Variants in SLC35F1 observed in about 807,000 individuals in gnomAD.
The protein encoded by SLC35F1 is solute carrier family 35 member F1, also known as chromosome 6 open reading frame 169.
In SLC35F1, 14 loss-of-function variants were observed where a neutral mutation model predicts 48.7. The ratio of observed to expected loss-of-function variants is 0.29; its 90% CI spans 0.19 to 0.45. The LOEUF is 0.45. SLC35F1 is among the 20% of genes least tolerant of loss of function. The probability of loss-of-function intolerance (pLI) is 1.00; values close to 1 mark genes in which losing one functional copy is unlikely to be tolerated. For synonymous variants in SLC35F1, 190 were observed against 202.2 expected (o/e 0.94, Z 0.51); for missense variants, 404 against 500.0 (o/e 0.81, Z 1.83).
chr6:117,974,524 G>A (rs2114845486), intron 1 of SLC35F1, among the ~76,000 whole-genome samples: 1 of 152,240 alleles, frequency 6.6e-6, no homozygotes, highest in African/African-American at 2.4e-5. Context: ...AGATTTTTTG[G>A]AGTGTCTGAG....
At chr6:118,148,400 T>C (rs189310022) in intron 1 of SLC35F1, among the ~76,000 whole-genome samples, 12 of 152,348 alleles carry the variant, frequency 7.9e-5, no homozygotes, top group African/African-American at 2.9e-4. Context: ...TCTTACTATT[T>C]TGAATATCTA....
intron 3 of SLC35F1, among the ~76,000 whole-genome samples, chr6:118,240,667 G>A (rs960191873): frequency 6.6e-6 from 1 of 152,176 alleles, no homozygotes; most frequent in African/African-American, 2.4e-5. Context: ...GGGAACGTTT[G>A]TCAAAGCAAT....
intron 7 of SLC35F1, among the ~76,000 whole-genome samples, chr6:118,299,308 T>A (rs1455923091): frequency 6.6e-6 from 1 of 152,202 alleles, no homozygotes; most frequent in Non-Finnish European, 1.5e-5. Context: ...TGTAAACGTT[T>A]CCAAGGGCAG....
chr6:117,937,669 G>T (rs938036185), intron 1 of SLC35F1, among the ~76,000 whole-genome samples: 4 of 152,110 alleles, frequency 2.6e-5, no homozygotes, highest in African/African-American at 9.7e-5. Flanking sequence ...AAACGTAGAA[G>T]AATTATAATG....
chr6:117,976,123 T>TGA (rs1776702391), intron 1 of SLC35F1, among the ~76,000 whole-genome samples: 1 of 152,234 alleles, frequency 6.6e-6, no homozygotes, highest in Non-Finnish European at 1.5e-5. Flanking sequence ...TTAAGGAGTG[T>TGA]GATCTTCTTT....
intron 1 of SLC35F1, among the ~76,000 whole-genome samples, chr6:117,996,124 T>C (rs937085088): frequency 1.3e-5 from 2 of 152,212 alleles, no homozygotes; most frequent in African/African-American, 4.8e-5. Flanking sequence ...ATATGATTAC[T>C]TCTTCTGAAA....
At chr6:118,118,761 G>A (rs1773507270) in intron 1 of SLC35F1, among the ~76,000 whole-genome samples, 2 of 152,072 alleles carry the variant, frequency 1.3e-5, no homozygotes, top group Non-Finnish European at 2.9e-5. Context: ...CTCATTTCAG[G>A]AAGGGACAGG....
intron 2 of SLC35F1, among the ~76,000 whole-genome samples, chr6:118,215,242 G>A (rs1280310432): frequency 6.6e-6 from 1 of 152,116 alleles, no homozygotes; most frequent in Non-Finnish European, 1.5e-5. Flanking sequence ...CAGACCGCAA[G>A]GTATTGAGGT....
intron 1 of SLC35F1, among the ~76,000 whole-genome samples, chr6:117,961,243 T>A (rs1171232368): frequency 2.0e-5 from 3 of 152,198 alleles, no homozygotes; most frequent in South Asian, 4.1e-4. Context: ...AATGGATAAC[T>A]GAAGAATCTC....
At chr6:118,093,324 A>G (rs867486244) in intron 1 of SLC35F1, among the ~76,000 whole-genome samples, 14 of 152,136 alleles carry the variant, frequency 9.2e-5, no homozygotes, top group African/African-American at 3.4e-4. Context: ...TCAAAAAAAA[A>G]AATTATAAAT....
At chr6:118,261,033 T>A (rs1177416750) in intron 3 of SLC35F1, among the ~76,000 whole-genome samples, 5 of 152,082 alleles carry the variant, frequency 3.3e-5, no homozygotes, top group African/African-American at 1.2e-4. Context: ...GATGCAATAT[T>A]TTTGACCTAC....
intron 1 of SLC35F1, among the ~76,000 whole-genome samples, chr6:118,071,064 G>GTA (rs1562280966): frequency 2.7e-4 from 1 of 3,734 alleles, no homozygotes; most frequent in African/African-American, 1.6e-3. Flanking sequence ...TATATTCTAC[G>GTA]TATATATACT....
At chr6:117,958,352 A>G (rs895666027) in intron 1 of SLC35F1, among the ~76,000 whole-genome samples, 1 of 152,166 alleles carries the variant, frequency 6.6e-6, no homozygotes, top group Non-Finnish European at 1.5e-5. Flanking sequence ...TTAAAAATAA[A>G]TGTAGTATAG....
At chr6:118,200,867 C>CT (rs931198309) in intron 2 of SLC35F1, among the ~76,000 whole-genome samples, 21 of 151,904 alleles carry the variant, frequency 1.4e-4, no homozygotes, top group African/African-American at 4.4e-4. Flanking sequence ...TACTCCTTTT[C>CT]TTTTTTTTCT....
At chr6:118,252,367 AG>A (rs904562409) in intron 3 of SLC35F1, among the ~76,000 whole-genome samples, 1 of 152,056 alleles carries the variant, frequency 6.6e-6, no homozygotes, top group Admixed American at 6.6e-5. Context: ...GCATTCATAG[AG>A]GGGATAGGGG....
intron 1 of SLC35F1, among the ~76,000 whole-genome samples, chr6:118,125,382 G>T (rs1233080550): frequency 6.7e-6 from 1 of 149,050 alleles, no homozygotes; most frequent in Non-Finnish European, 1.5e-5. Context: ...ATTTTGGGGG[G>T]GGGGATCAGA....
intron 1 of SLC35F1, among the ~76,000 whole-genome samples, chr6:118,106,539 C>T (rs190531697): frequency 4.1e-4 from 62 of 152,330 alleles, no homozygotes; most frequent in African/African-American, 1.4e-3. Flanking sequence ...TTCACTGTTA[C>T]AGCTCTCTCA....
At chr6:118,142,778 A>T (rs962048323) in intron 1 of SLC35F1, among the ~76,000 whole-genome samples, 1 of 152,186 alleles carries the variant, frequency 6.6e-6, no homozygotes, top group African/African-American at 2.4e-5. Context: ...AAGTGCTGAG[A>T]TAAAATTACT....
rs567700106 is a variant in SLC35F1, at chr6:117,914,825, A to G, written c.173+6926A>G. Among the ~76,000 whole-genome samples the G allele has an allele frequency of 1.5e-4, 23 of 152,258 alleles. No homozygotes were observed. In the South Asian group the frequency reaches 3.3e-3, roughly 22 times the overall value. On this transcript the variant is annotated intron_variant, in intron 1 of 7. Transcript: ENST00000360388. ...TAGAAGACTGAAACATAATAAAATT[A>G]CTCAACGTCTACATAGATTCAAGAA...
Sources: gnomAD v4.1 joint callset for allele counts (sites outside exome capture counted in the v4.1 genomes callset) on GRCh38, gnomAD v4.1.1 for gene constraint, MANE v1.5 for transcripts, NCBI Gene and HGNC (gene_info 2026-07-23, HGNC 2026-07-21) for gene names.